RBM6: variants seen among roughly 807,000 people sequenced by gnomAD.
RBM6 encodes the protein RNA binding motif protein 6, also known as RNA-binding protein 6.
Under a neutral mutation model 140.4 loss-of-function variants are expected in RBM6, and 23 were observed. The observed-to-expected ratio is 0.16, with a 90% CI of 0.12 to 0.23. The LOEUF is 0.23. Among genes scored for constraint, RBM6 ranks in the 10% least tolerant of loss-of-function variants. RBM6 has a pLI of 1.00. For missense variants in RBM6, 1,139 were observed against 1,386.7 expected, an observed-to-expected ratio of 0.82 and a Z score of 2.84; for synonymous variants, 439 against 475.6, an observed-to-expected ratio of 0.92 and a Z score of 1.00.
chr3:49,951,351 T>C (rs2083719976), intron 1 of RBM6, among the ~76,000 whole-genome samples: 1 of 151,818 alleles, frequency 6.6e-6, no homozygotes, highest in South Asian at 2.1e-4. Flanking sequence ...TAGCTGGGAC[T>C]ACAGATGTGT....
chr3:50,068,855 G>A, intron 18 of RBM6, 91 bp downstream of exon 18: 1 of 1,149,878 alleles, frequency 8.7e-7, no homozygotes, highest in South Asian at 1.4e-5. Flanking sequence ...CTCCTTATAA[G>A]AAGATGGAGA....
At chr3:49,948,322 G>T (rs1313047865) in intron 1 of RBM6, among the ~76,000 whole-genome samples, 1 of 152,016 alleles carries the variant, frequency 6.6e-6, no homozygotes, top group Non-Finnish European at 1.5e-5. Flanking sequence ...GTGCTCAGGG[G>T]TTCGAGACCA....
At chr3:50,037,211 G>A (rs1172490582) in intron 6 of RBM6, among the ~76,000 whole-genome samples, 1 of 152,090 alleles carries the variant, frequency 6.6e-6, no homozygotes, top group African/African-American at 2.4e-5. Context: ...ACCAGCCGGG[G>A]CATCATAGGA....
intron 6 of RBM6, among the ~76,000 whole-genome samples, chr3:50,012,236 A>G (rs2086882154): frequency 1.3e-5 from 2 of 151,848 alleles, no homozygotes; most frequent in African/African-American, 2.4e-5. Flanking sequence ...TTTTTTAGAG[A>G]CGAGGTCTCA....
chr3:49,962,596 T>C lies in RBM6; in HGVS notation c.-46T>C. On this transcript the variant is annotated 5_prime_UTR_variant, in exon 2 of 21. Transcript: ENST00000266022. ...TACAGGTACTGCTATAACCAGAATT[T>C]GGTAGAAAAAGGATTTACTTGTTGG... 6.4e-7 allele frequency: 1 copy of C among 1,552,282 alleles called. No homozygotes were observed.
chr3:50,063,367 G>A (rs1275362744), intron 15 of RBM6, among the ~76,000 whole-genome samples: 8 of 152,054 alleles, frequency 5.3e-5, no homozygotes, highest in African/African-American at 1.9e-4. Flanking sequence ...AGCACGTTGG[G>A]AGGCCAAGAC....
intron 2 of RBM6, 58 bp downstream of exon 2, chr3:49,962,743 A>T: frequency 7.2e-7 from 1 of 1,390,310 alleles, no homozygotes. Flanking sequence ...AATGTGTAAC[A>T]TTTTCGCCTA....
chr3:50,075,428 C>A, intron 20 of RBM6, 98 bp downstream of exon 20: 2 of 1,462,478 alleles, frequency 1.4e-6, no homozygotes, highest in Non-Finnish European at 9.3e-7. Context: ...TTTTGCTGGG[C>A]TTTCTCTACT....
intron 5 of RBM6, among the ~76,000 whole-genome samples, chr3:49,981,192 G>A (rs559259283): frequency 4.5e-4 from 69 of 152,264 alleles, no homozygotes; most frequent in African/African-American, 1.6e-3. Flanking sequence ...GAGCCACTGC[G>A]TCCGGCCTAT....
chr3:50,055,901 T>C (rs574543531), intron 8 of RBM6, among the ~76,000 whole-genome samples: 1 of 152,232 alleles, frequency 6.6e-6, no homozygotes, highest in East Asian at 1.9e-4. Context: ...CTTCGAAGAG[T>C]CAGACACATG....
At chr3:49,951,911 C>G (rs144942836) in intron 1 of RBM6, among the ~76,000 whole-genome samples, 1 of 152,096 alleles carries the variant, frequency 6.6e-6, no homozygotes. Flanking sequence ...TTAGTAGAGA[C>G]GGGGTTTCAC....
In RBM6 at chr3:49,962,715, G is replaced by T. The variant is rs768321557; in HGVS notation, c.44+30G>T. The T allele has an allele frequency of 3.3e-6, 5 of 1,534,208 alleles. No individual in the cohort carries two copies. The Admixed American group carries it at 6.6e-5, about 20-fold the overall frequency. On this transcript the variant is annotated intron_variant, in intron 2 of 20. Coordinates refer to ENST00000266022, the MANE Select transcript of RBM6 (RefSeq NM_005777.3). ...GTTCTCAAATTTGAATATTGAAATT[G>T]CCAGTATTTTAATTATAAATGTGTA...
chr3:50,032,073 G>C (rs76181405), intron 6 of RBM6, among the ~76,000 whole-genome samples: 1 of 152,168 alleles, frequency 6.6e-6, no homozygotes, highest in South Asian at 2.1e-4. Context: ...CCACACTTCA[G>C]CTTCAAGGAG....
At chr3:49,963,111 C>CA (rs1219576596) in intron 2 of RBM6, 66 of 67,332 alleles carry the variant, frequency 9.8e-4, no homozygotes, top group African/African-American at 1.0e-3. Context: ...AAAACAAAAA[C>CA]AAAAAAAAAA....
chr3:50,061,284 C>T, intron 13 of RBM6, 63 bp downstream of exon 13: 1 of 1,609,464 alleles, frequency 6.2e-7, no homozygotes, highest in Non-Finnish European at 8.5e-7. Flanking sequence ...CATTACTTGA[C>T]ATCTGTGTGA....
At chr3:50,071,181 A>G (rs1281636717) in intron 19 of RBM6, among the ~76,000 whole-genome samples, 1 of 152,202 alleles carries the variant, frequency 6.6e-6, no homozygotes, top group Non-Finnish European at 1.5e-5. Context: ...AATTTCATAT[A>G]CCAGGGATAT....
At chr3:49,950,503 C>G (rs758280066) in intron 1 of RBM6, among the ~76,000 whole-genome samples, 6 of 152,064 alleles carry the variant, frequency 3.9e-5, no homozygotes, top group Non-Finnish European at 5.9e-5. Context: ...GGCTTGTAAT[C>G]CCAGCACTTT....
chr3:49,962,512 G>A (rs2084329585), intron 1 of RBM6, 64 bp from the exon 2 acceptor site: 2 of 764,376 alleles, frequency 2.6e-6, no homozygotes, highest in Admixed American at 5.6e-5. Flanking sequence ...CCAAGCAGTG[G>A]GAAACTGGTT....
chr3:49,999,529 G>A lies in RBM6; in HGVS notation c.1557+16G>A, dbSNP rs200764628. ...GGCCAACCAGGTTGCTTTATACTTCGGTCAAATGATGCTGGAAGGATATAT... is the reference window on the plus strand; with the variant it reads ...GGCCAACCAGGTTGCTTTATACTTCAGTCAAATGATGCTGGAAGGATATAT... On this transcript the variant is annotated intron_variant, in intron 6 of 20. Transcript: ENST00000266022. The A allele has an allele frequency of 2.2e-5, 35 of 1,584,936 alleles. No individual in the cohort carries two copies. The highest frequency in any genetic ancestry group is 1.3e-4 in the South Asian group (12 of 90,398).
Sources: gnomAD v4.1 joint callset for allele counts (sites outside exome capture counted in the v4.1 genomes callset) on GRCh38, gnomAD v4.1.1 for gene constraint, MANE v1.5 for transcripts, NCBI Gene and HGNC (gene_info 2026-07-23, HGNC 2026-07-21) for gene names.